The following CPAMD8 variants were observed in gnomAD, a reference collection of about 807,000 sequenced individuals.
CPAMD8 encodes the protein C3 and PZP like alpha-2-macroglobulin domain containing 8.
CPAMD8 carries 146 observed loss-of-function variants against 224.7 expected under a neutral mutation model. The observed-to-expected ratio is 0.65, with a 90% CI of 0.57 to 0.75. CPAMD8 has a LOEUF of 0.75. Ranked by LOEUF, CPAMD8 falls within the 30% of genes least tolerant of loss-of-function variation. The pLI, the probability that CPAMD8 is intolerant of heterozygous loss-of-function variation, is 0.00. For synonymous variants in CPAMD8, 966 were observed against 1,044.6 expected (o/e 0.92, Z 1.45); for missense variants, 2,301 against 2,537.5 (o/e 0.91, Z 2.00).
intron 14 of CPAMD8, among the ~76,000 whole-genome samples, chr19:16,978,666 A>G (rs1296012205): frequency 1.3e-5 from 2 of 152,284 alleles, no homozygotes; most frequent in Non-Finnish European, 2.9e-5. Context: ...CCTACAGTGC[A>G]TGGGATGGTC....
At chr19:16,901,993 C>A (rs1400961347) in intron 35 of CPAMD8, among the ~76,000 whole-genome samples, 1 of 152,110 alleles carries the variant, frequency 6.6e-6, no homozygotes, top group Non-Finnish European at 1.5e-5. Context: ...AACCACTCAC[C>A]CACCAATCGT....
Position 16,925,230 on chromosome 19 carries a change from C to T in CPAMD8, c.3513G>A (p.Glu1171=), listed in dbSNP as rs765323968. The T allele has an allele frequency of 1.2e-6, 2 of 1,614,184 alleles. No individual in the cohort carries two copies. The highest frequency in any genetic ancestry group is 1.7e-6 in the Non-Finnish European group (2 of 1,180,036). ...GGTAGTCGGTGGTCTCTCTCTCCAC[C>T]TCAGGGCTGAGCTGCTGGGTTTTCT... ...YLQKTQQLSP[E]VERETTDYLV... The change falls in exon 26 of 42, where the codon GAG becomes GAA. Residue 1171 remains glutamate, a synonymous_variant. Coordinates refer to ENST00000443236, the MANE Select transcript of CPAMD8 (RefSeq NM_015692.5).
At chr19:17,005,121 C>T (rs2056449939) in intron 7 of CPAMD8, among the ~76,000 whole-genome samples, 1 of 150,882 alleles carries the variant, frequency 6.6e-6, no homozygotes, top group Non-Finnish European at 1.5e-5. Flanking sequence ...TCCCTGGCCT[C>T]CACTCACCAA....
chr19:17,009,532 T>G (rs1810240315), intron 5 of CPAMD8: 2 of 679,810 alleles, frequency 2.9e-6, no homozygotes, highest in Admixed American at 3.2e-5. Flanking sequence ...CCCAGCACTT[T>G]GGGAGGCCAA....
Position 17,008,489 on chromosome 19 carries a change from A to G in CPAMD8, c.559+16T>C, listed in dbSNP as rs200496345. The G allele has an allele frequency of 1.2e-4, 194 of 1,612,440 alleles. No individual in the cohort carries two copies. In the Middle Eastern group the frequency reaches 1.5e-3, roughly 12 times the overall value. Reference sequence around the variant, plus strand: ...ATCACATCTGCAGCCCCCAAGCCGCAGAGGAAGAAACTTACCGCAGCAGAA... The same window carrying G: ...ATCACATCTGCAGCCCCCAAGCCGCGGAGGAAGAAACTTACCGCAGCAGAA... On this transcript the variant is annotated intron_variant, in intron 7 of 41. Coordinates refer to ENST00000443236, the MANE Select transcript of CPAMD8 (RefSeq NM_015692.5).
At chr19:17,006,056 G>A (rs989731763) in intron 7 of CPAMD8, among the ~76,000 whole-genome samples, 22 of 151,944 alleles carry the variant, frequency 1.4e-4, no homozygotes, top group African/African-American at 4.6e-4. Context: ...CTTCACTCCC[G>A]GGTTCAAGAG....
intron 29 of CPAMD8, among the ~76,000 whole-genome samples, chr19:16,911,025 C>T (rs1310155326): frequency 6.6e-6 from 1 of 152,200 alleles, no homozygotes; most frequent in Non-Finnish European, 1.5e-5. Context: ...TGTTTTAAGC[C>T]ACCCAGTTTG....
intron 35 of CPAMD8, among the ~76,000 whole-genome samples, chr19:16,902,085 ACT>A (rs2052281348): frequency 6.6e-6 from 1 of 151,818 alleles, no homozygotes; most frequent in Non-Finnish European, 1.5e-5. Context: ...TCCCAGGCTC[ACT>A]CTTGGAAACC....
At chr19:16,929,341 G>T in intron 23 of CPAMD8, 101 bp from the exon 24 acceptor site, 5 of 910,616 alleles carry the variant, frequency 5.5e-6, no homozygotes, top group South Asian at 1.6e-5. Flanking sequence ...CAAGGAGTGG[G>T]TCTCACTGTG....
intron 36 of CPAMD8, 91 bp downstream of exon 36, chr19:16,901,119 C>A: frequency 1.3e-6 from 1 of 779,198 alleles, no homozygotes; most frequent in South Asian, 1.7e-5. Context: ...TTACAAAGGT[C>A]TGGACTGCCA....
chr19:17,008,396 G>T, intron 7 of CPAMD8, 109 bp downstream of exon 7: 1 of 1,360,300 alleles, frequency 7.4e-7, no homozygotes, highest in Non-Finnish European at 1.0e-6. Context: ...CCCTCCAGCT[G>T]GAGCAGCAGT....
At chr19:16,928,740 T>A (rs1421492634) in intron 24 of CPAMD8, among the ~76,000 whole-genome samples, 1 of 151,092 alleles carries the variant, frequency 6.6e-6, no homozygotes, top group African/African-American at 2.4e-5. Context: ...GATCCTTGGG[T>A]GCTTCCTCTG....
chr19:16,904,402 G>A (rs933213085), intron 31 of CPAMD8, 40 bp from the exon 32 acceptor site: 1 of 1,613,844 alleles, frequency 6.2e-7, no homozygotes, highest in Non-Finnish European at 8.5e-7. Context: ...TTGACACAGG[G>A]ACATGGACCC....
chr19:16,932,588 A>G (rs1460488003), intron 23 of CPAMD8, among the ~76,000 whole-genome samples: 1 of 152,192 alleles, frequency 6.6e-6, no homozygotes, highest in Non-Finnish European at 1.5e-5. Context: ...ATAATAAACT[A>G]GATGAAGTAG....
At chr19:16,904,118 A>T in intron 32 of CPAMD8, 108 bp downstream of exon 32, 2 of 1,240,974 alleles carry the variant, frequency 1.6e-6, no homozygotes, top group Non-Finnish European at 2.2e-6. Context: ...GGGCTCCATA[A>T]GGTGAGAAGG....
At chr19:17,004,186 G>T in intron 8 of CPAMD8, 87 bp downstream of exon 8, 2 of 881,798 alleles carry the variant, frequency 2.3e-6, no homozygotes, top group Non-Finnish European at 3.6e-6. Flanking sequence ...GATTACAGGC[G>T]AGAGCCCTTG....
At chr19:16,894,201 T>TC (rs1485434316) in intron 41 of CPAMD8, 3 of 294,218 alleles carry the variant, frequency 1.0e-5, no homozygotes, top group Admixed American at 7.7e-5. Flanking sequence ...CCTCCAGCTG[T>TC]CCCCCCTGCA....
At chr19:16,922,635 T>G (rs1002761194) in intron 26 of CPAMD8, among the ~76,000 whole-genome samples, 5 of 151,014 alleles carry the variant, frequency 3.3e-5, no homozygotes, top group African/African-American at 1.2e-4. Flanking sequence ...TCATACCACA[T>G]GTGGAGTCCC....
chr19:16,910,151 G>T (rs1441590167), intron 29 of CPAMD8, among the ~76,000 whole-genome samples: 2 of 149,698 alleles, frequency 1.3e-5, no homozygotes, highest in African/African-American at 2.5e-5. Context: ...TGTGCTTGGC[G>T]TCCAATGACA....
Sources: gnomAD v4.1 joint callset for allele counts (sites outside exome capture counted in the v4.1 genomes callset) on GRCh38, gnomAD v4.1.1 for gene constraint, MANE v1.5 for transcripts, NCBI Gene and HGNC (gene_info 2026-07-23, HGNC 2026-07-21) for gene names.